Variants in ASIC2 observed in about 807,000 individuals in gnomAD.
ASIC2 encodes acid-sensing ion channel 2.
A neutral mutation model predicts 57.3 loss-of-function variants in ASIC2; 25 were observed. The ratio of observed to expected loss-of-function variants is 0.44; its 90% CI spans 0.32 to 0.61. The LOEUF (loss-of-function observed/expected upper bound fraction) is 0.61, where lower values mean the gene tolerates loss of function less well. Among genes scored for constraint, ASIC2 ranks in the 20% least tolerant of loss-of-function variants. The probability of loss-of-function intolerance (pLI) is 0.06; values close to 1 mark genes in which losing one functional copy is unlikely to be tolerated. For missense variants in ASIC2, 641 were observed against 738.1 expected (o/e 0.87, Z 1.52); for synonymous variants, 319 against 307.5 (o/e 1.04, Z -0.39).
chr17:33,772,521 T>C (rs1911143216), intron 1 of ASIC2, among the ~76,000 whole-genome samples: 1 of 152,240 alleles, frequency 6.6e-6, no homozygotes, highest in Non-Finnish European at 1.5e-5. Context: ...GTGTGATTTC[T>C]CAGGAAACCT....
At chr17:33,688,537 CT>C (rs1294482507) in intron 1 of ASIC2, among the ~76,000 whole-genome samples, 43 of 152,226 alleles carry the variant, frequency 2.8e-4, no homozygotes, top group Non-Finnish European at 1.9e-4. Flanking sequence ...AACCCACAGC[CT>C]GTCTCAGCCG....
chr17:33,922,971 A>G (rs1329745864), intron 1 of ASIC2, among the ~76,000 whole-genome samples: 2 of 152,178 alleles, frequency 1.3e-5, no homozygotes, highest in African/African-American at 4.8e-5. Context: ...CTCCAGCTCC[A>G]AGCACCAGTG....
intron 1 of ASIC2, among the ~76,000 whole-genome samples, chr17:33,156,725 C>T (rs1386857877): frequency 6.6e-6 from 1 of 152,026 alleles, no homozygotes; most frequent in Non-Finnish European, 1.5e-5. Flanking sequence ...CACTGCACTC[C>T]AGCCTGGGCG....
chr17:33,318,983 C>T (rs940042037), intron 1 of ASIC2, among the ~76,000 whole-genome samples: 13 of 152,146 alleles, frequency 8.5e-5, no homozygotes, highest in African/African-American at 2.9e-4. Context: ...AAATGGCAGG[C>T]CATTAAAAAC....
At chr17:33,962,336 G>A (rs1391513711) in intron 1 of ASIC2, among the ~76,000 whole-genome samples, 1 of 152,124 alleles carries the variant, frequency 6.6e-6, no homozygotes, top group Non-Finnish European at 1.5e-5. Context: ...AGGTGACATC[G>A]GAATAGAGTC....
At chr17:33,835,839 G>T (rs977798196) in intron 1 of ASIC2, among the ~76,000 whole-genome samples, 3 of 151,772 alleles carry the variant, frequency 2.0e-5, no homozygotes, top group Admixed American at 6.6e-5. Context: ...TTAGAGATGG[G>T]ATTTCACCAT....
At chr17:33,684,956 G>C (rs1206595909) in intron 1 of ASIC2, among the ~76,000 whole-genome samples, 2 of 152,178 alleles carry the variant, frequency 1.3e-5, no homozygotes, top group Non-Finnish European at 2.9e-5. Context: ...GCATGAGACA[G>C]ATGTAAGTGG....
intron 1 of ASIC2, among the ~76,000 whole-genome samples, chr17:34,056,826 T>G (rs942349770): frequency 2.6e-5 from 4 of 152,232 alleles, no homozygotes; most frequent in African/African-American, 9.6e-5. Flanking sequence ...TCCCAAAATA[T>G]GCTGAGTTCC....
Position 33,013,933 on chromosome 17 carries a change from T to C in ASIC2, c.*32A>G. The C allele has an allele frequency of 6.6e-7, 1 of 1,516,124 alleles. No individual in the cohort carries two copies. Among genetic ancestry groups the C allele is most frequent in the Non-Finnish European group, 9.0e-7 (1 of 1,111,634 alleles). The allele number at this position is 1,516,124 out of a possible 1,614,324, so 93.9% of individuals were successfully genotyped here. Reference sequence around the variant, plus strand: ...CCTGGGTCTTGGGCCTCAAGGTCTGTTTGGAGGGAGTGCTGGGTGACTCGA... The same window carrying C: ...CCTGGGTCTTGGGCCTCAAGGTCTGCTTGGAGGGAGTGCTGGGTGACTCGA... On this transcript the variant is annotated 3_prime_UTR_variant, in exon 10 of 10. Transcript: ENST00000225823.
intron 1 of ASIC2, among the ~76,000 whole-genome samples, chr17:34,081,165 G>T (rs1473554313): frequency 1.3e-5 from 2 of 152,094 alleles, no homozygotes; most frequent in Admixed American, 6.5e-5. Flanking sequence ...TTAAAATCTG[G>T]CTTTCATAGA....
At chr17:33,330,781 AT>A (rs2142225488) in intron 1 of ASIC2, among the ~76,000 whole-genome samples, 1 of 152,260 alleles carries the variant, frequency 6.6e-6, no homozygotes, top group South Asian at 2.1e-4. Context: ...GGATTGAGTC[AT>A]AAGAATAGAC....
chr17:33,142,395 C>G (rs1904351758), intron 1 of ASIC2, among the ~76,000 whole-genome samples: 1 of 152,218 alleles, frequency 6.6e-6, no homozygotes, highest in South Asian at 2.1e-4. Flanking sequence ...CGAATCCACT[C>G]TTATCACCCA....
At chr17:33,466,434 C>A (rs548689996) in intron 1 of ASIC2, among the ~76,000 whole-genome samples, 1 of 152,150 alleles carries the variant, frequency 6.6e-6, no homozygotes, top group Non-Finnish European at 1.5e-5. Flanking sequence ...TTTATAGATT[C>A]GATGCCATCC....
chr17:33,583,600 A>C (rs959741433), intron 1 of ASIC2, among the ~76,000 whole-genome samples: 1 of 152,194 alleles, frequency 6.6e-6, no homozygotes, highest in Non-Finnish European at 1.5e-5. Context: ...CTCCAAGACA[A>C]TGCCTGTCCT....
At chr17:33,889,015 T>G (rs554772472) in intron 1 of ASIC2, among the ~76,000 whole-genome samples, 1 of 152,246 alleles carries the variant, frequency 6.6e-6, no homozygotes, top group Non-Finnish European at 1.5e-5. Context: ...CAAATCATGT[T>G]GCTGAGTAAA....
At chr17:33,147,398 C>T (rs2142024969) in intron 1 of ASIC2, among the ~76,000 whole-genome samples, 1 of 152,290 alleles carries the variant, frequency 6.6e-6, no homozygotes, top group Non-Finnish European at 1.5e-5. Context: ...AGACATCATA[C>T]AAGTTCAGCT....
intron 1 of ASIC2, among the ~76,000 whole-genome samples, chr17:33,872,537 T>A (rs423825): frequency 0.27 from 40,614 of 151,956 alleles, 5,595 homozygotes; most frequent in Middle Eastern, 0.36. Flanking sequence ...GCAGATATTA[T>A]TAGCTAGACC....
At chr17:33,492,686 A>G (rs1279362259) in intron 1 of ASIC2, among the ~76,000 whole-genome samples, 1 of 152,188 alleles carries the variant, frequency 6.6e-6, no homozygotes, top group Non-Finnish European at 1.5e-5. Context: ...GACCTATGAC[A>G]TGGGCTGGCT....
At chr17:33,502,368 G>A (rs1360122366) in intron 1 of ASIC2, among the ~76,000 whole-genome samples, 1 of 152,132 alleles carries the variant, frequency 6.6e-6, no homozygotes, top group Non-Finnish European at 1.5e-5. Flanking sequence ...CAAGTACCTG[G>A]GGTTCTGGGC....
Sources: allele counts gnomAD v4.1 joint callset (sites outside exome capture counted in the v4.1 genomes callset), GRCh38; gene constraint gnomAD v4.1.1; transcripts MANE v1.5; gene names NCBI Gene and HGNC (gene_info 2026-07-23, HGNC 2026-07-21).